The following ATAD1 variants were observed in gnomAD, a reference collection of about 807,000 sequenced individuals.
ATAD1 encodes the protein outer mitochondrial transmembrane helix translocase.
A neutral mutation model predicts 42.7 loss-of-function variants in ATAD1; 18 were observed. That is an observed-to-expected ratio of 0.42 (90% CI 0.29 to 0.63). ATAD1 has a LOEUF of 0.63. Among genes scored for constraint, ATAD1 ranks in the 20% least tolerant of loss-of-function variants. ATAD1 has a pLI of 0.19. For missense variants in ATAD1, 294 were observed against 440.4 expected, an observed-to-expected ratio of 0.67 and a Z score of 2.98; for synonymous variants, 132 against 143.1, an observed-to-expected ratio of 0.92 and a Z score of 0.55.
upstream of ATAD1, among the ~76,000 whole-genome samples, chr10:87,821,967 A>G (rs920637615): frequency 3.9e-5 from 6 of 152,216 alleles, no homozygotes; most frequent in Non-Finnish European, 8.8e-5. Context: ...TAAAAGGCCT[A>G]TCTGGTCAGC....
chr10:87,767,758 T>G, intron 7 of ATAD1, 35 bp from the exon 8 acceptor site: 1 of 1,557,320 alleles, frequency 6.4e-7, no homozygotes, highest in Non-Finnish European at 8.7e-7. Context: ...AGCATTTTTA[T>G]TTTTTATTTT....
chr10:87,811,688 C>A (rs746826731), intron 2 of ATAD1, among the ~76,000 whole-genome samples: 7 of 152,172 alleles, frequency 4.6e-5, no homozygotes, highest in Non-Finnish European at 8.8e-5. Flanking sequence ...CAAATGATAT[C>A]TACACATACA....
In ATAD1 at chr10:87,784,741, T is replaced by C. The variant is rs867666176; in HGVS notation, c.383-71A>G. 8 of 1,391,126 alleles carry C rather than the reference T, an allele frequency of 5.8e-6. No homozygotes were observed. The South Asian group carries it at 6.7e-5, about 12-fold the overall frequency. 86.2% of individuals were successfully genotyped at this position (1,391,126 alleles called of 1,614,324 possible). A position where few individuals can be genotyped will look rare whatever the true frequency, so the allele number is the denominator to read the frequency against. On this transcript the variant is annotated intron_variant, in intron 4 of 9. Coordinates refer to ENST00000680024, the MANE Select transcript of ATAD1 (RefSeq NM_001321967.2). ...TCAATTTATATGATAATCAATAGAA[T>C]AGTAATTCCTTCCACAAAAAACTTT...
intron 2 of ATAD1, among the ~76,000 whole-genome samples, chr10:87,808,828 T>C (rs890247100): frequency 6.6e-6 from 1 of 152,244 alleles, no homozygotes; most frequent in African/African-American, 2.4e-5. Flanking sequence ...TTAAGATTCT[T>C]ATACCAATTT....
At chr10:87,758,251 T>C (rs147147137) in intron 8 of ATAD1, among the ~76,000 whole-genome samples, 1 of 152,090 alleles carries the variant, frequency 6.6e-6, no homozygotes, top group African/African-American at 2.4e-5. Flanking sequence ...ACTTTATGTA[T>C]GTATGTCAAA....
chr10:87,788,801 G>A (rs993821630), intron 4 of ATAD1, among the ~76,000 whole-genome samples: 4 of 152,222 alleles, frequency 2.6e-5, no homozygotes, highest in African/African-American at 9.6e-5. Flanking sequence ...TAACCTGGAA[G>A]AGGGTAGTAA....
chr10:87,838,849 C>T lies in ATAD1; in HGVS notation c.-14+2338G>A, dbSNP rs552266046. On this transcript the variant is annotated intron_variant, in intron 1 of 4. Transcript: ENST00000495903. ...AGTTAAATCAGCTGGCACCTTGATT[C>T]GGGACTTCCCAGCCTCTCAAACTGT... is the stretch of plus-strand genomic sequence containing the variant. Among the ~76,000 whole-genome samples, 12 of 152,270 alleles carry T rather than the reference C, an allele frequency of 7.9e-5. No homozygotes were observed. In the East Asian group the frequency reaches 9.6e-4, roughly 12 times the overall value.
At chr10:87,789,200 T>A (rs17094436) in intron 4 of ATAD1, among the ~76,000 whole-genome samples, 2 of 152,176 alleles carry the variant, frequency 1.3e-5, no homozygotes, top group Non-Finnish European at 2.9e-5. Context: ...TTTTTAAAGA[T>A]CCACTTTTTT....
chr10:87,784,563 C>CA lies in ATAD1; in HGVS notation c.489_490insT (p.Asp164Ter). On this transcript the variant is annotated frameshift_variant, in exon 5 of 10. Transcript: ENST00000680024. LOFTEE classifies it high-confidence loss of function. ...TTCTGAGATTCTCCATACCACTTAT[C>CA]GGTCAGTGTCGAAGGCTGAAGGTTA... is the stretch of plus-strand genomic sequence containing the variant. 6.2e-7 allele frequency: 1 copy of CA among 1,613,678 alleles called. No individual in the cohort carries two copies. Among genetic ancestry groups the CA allele is most frequent in the Non-Finnish European group, 8.5e-7 (1 of 1,179,868 alleles).
At chr10:87,839,652 G>A (rs1857994077) in intron 1 of ATAD1, among the ~76,000 whole-genome samples, 1 of 152,080 alleles carries the variant, frequency 6.6e-6, no homozygotes, top group Non-Finnish European at 1.5e-5. Context: ...TGTACCTAAG[G>A]CAATTTCATG....
chr10:87,828,754 G>A (rs886648016), intron 1 of ATAD1, among the ~76,000 whole-genome samples: 3 of 152,198 alleles, frequency 2.0e-5, no homozygotes, highest in African/African-American at 7.2e-5. Context: ...TGACTCTCTT[G>A]TTAGGAGCTA....
chr10:87,760,837 C>T (rs1044437080), intron 8 of ATAD1, among the ~76,000 whole-genome samples: 1 of 152,146 alleles, frequency 6.6e-6, no homozygotes, highest in South Asian at 2.1e-4. Context: ...AAAAAGCTAC[C>T]TCCTTAAAGT....
intron 1 of ATAD1, chr10:87,817,876 G>A (rs569303152): frequency 4.9e-4 from 478 of 985,474 alleles, no homozygotes; most frequent in Non-Finnish European, 5.3e-4. Flanking sequence ...ACAGTGACCA[G>A]GATGCCGACA....
At chr10:87,811,754 C>T (rs764912441) in intron 2 of ATAD1, among the ~76,000 whole-genome samples, 1 of 152,170 alleles carries the variant, frequency 6.6e-6, no homozygotes, top group South Asian at 2.1e-4. Context: ...TTATAACCAT[C>T]GATAAGGAAA....
At chr10:87,811,569 G>C (rs1037232711) in intron 2 of ATAD1, among the ~76,000 whole-genome samples, 4 of 152,074 alleles carry the variant, frequency 2.6e-5, no homozygotes, top group African/African-American at 9.7e-5. Context: ...TCTTAGTATA[G>C]TCATTACCAT....
upstream of ATAD1, among the ~76,000 whole-genome samples, chr10:87,820,162 A>T (rs2132091626): frequency 6.6e-6 from 1 of 152,296 alleles, no homozygotes; most frequent in African/African-American, 2.4e-5. Context: ...GAGACTCTCC[A>T]CTGGGTCCTT....
chr10:87,839,725 A>T (rs1312626892), intron 1 of ATAD1, among the ~76,000 whole-genome samples: 1 of 148,558 alleles, frequency 6.7e-6, no homozygotes, highest in Admixed American at 6.8e-5. Context: ...CGCCCCCAGT[A>T]ATCTTCTCCA....
intron 8 of ATAD1, among the ~76,000 whole-genome samples, chr10:87,760,511 A>G (rs1162609928): frequency 4.6e-5 from 7 of 152,170 alleles, no homozygotes; most frequent in South Asian, 2.1e-4. Context: ...TCTTTTCTTC[A>G]TAAGTTATCC....
chr10:87,824,816 T>C (rs1328845083), intron 1 of ATAD1, among the ~76,000 whole-genome samples: 1 of 152,250 alleles, frequency 6.6e-6, no homozygotes, highest in African/African-American at 2.4e-5. Context: ...CTCTTGGTTC[T>C]CACATTCCCA....
Sources: allele counts gnomAD v4.1 joint callset (sites outside exome capture counted in the v4.1 genomes callset), GRCh38; gene constraint gnomAD v4.1.1; transcripts MANE v1.5; gene names NCBI Gene and HGNC (gene_info 2026-07-23, HGNC 2026-07-21).